CSMD1: variants seen among roughly 807,000 people sequenced by gnomAD.
CSMD1 encodes the protein CUB and Sushi multiple domains 1.
A neutral mutation model predicts 417.5 loss-of-function variants in CSMD1; 213 were observed. The ratio of observed to expected loss-of-function variants is 0.51; its 90% CI spans 0.46 to 0.57. The LOEUF is 0.57. Ranked by LOEUF, CSMD1 falls within the 20% of genes least tolerant of loss-of-function variation. The probability of loss-of-function intolerance (pLI) is 0.00; values close to 1 mark genes in which losing one functional copy is unlikely to be tolerated. For synonymous variants in CSMD1, 2,862 were observed against 1,736.8 expected (o/e 1.65, Z -16.11); for missense variants, 6,923 against 4,529.7 (o/e 1.53, Z -15.17).
At chr8:3,353,042 C>A (rs962503846) in intron 21 of CSMD1, among the ~76,000 whole-genome samples, 4 of 152,072 alleles carry the variant, frequency 2.6e-5, no homozygotes, top group African/African-American at 9.7e-5. Context: ...GATTTGAACC[C>A]CAGGCAATCT....
chr8:4,091,227 T>C (rs1428559832), intron 3 of CSMD1, among the ~76,000 whole-genome samples: 1 of 151,930 alleles, frequency 6.6e-6, no homozygotes, highest in African/African-American at 2.4e-5. Flanking sequence ...CCAAAAGCAG[T>C]CTTAAAGGTG....
intron 2 of CSMD1, among the ~76,000 whole-genome samples, chr8:4,538,815 C>T (rs1419769070): frequency 1.3e-5 from 2 of 152,150 alleles, no homozygotes; most frequent in Non-Finnish European, 2.9e-5. Context: ...AAAGAAGTAA[C>T]TTGTTTTGGG....
chr8:4,428,955 C>T (rs1236389983), intron 2 of CSMD1, among the ~76,000 whole-genome samples: 2 of 152,030 alleles, frequency 1.3e-5, no homozygotes, highest in African/African-American at 4.8e-5. Flanking sequence ...TTGAAGTGAT[C>T]CACCTGCCTC....
At chr8:4,307,375 G>A (rs1011596662) in intron 3 of CSMD1, among the ~76,000 whole-genome samples, 7 of 152,128 alleles carry the variant, frequency 4.6e-5, no homozygotes, top group African/African-American at 1.7e-4. Flanking sequence ...GTGGAGCACA[G>A]CTTGGCCTCC....
intron 3 of CSMD1, among the ~76,000 whole-genome samples, chr8:4,038,814 G>C (rs4524815): frequency 2.6e-4 from 40 of 152,068 alleles, no homozygotes; most frequent in African/African-American, 9.2e-4. Flanking sequence ...CTCATGGCAG[G>C]TTTCCACTGG....
intron 51 of CSMD1, among the ~76,000 whole-genome samples, chr8:3,023,222 G>A (rs879640149): frequency 6.6e-5 from 10 of 152,222 alleles, no homozygotes; most frequent in South Asian, 2.1e-4. Flanking sequence ...AGACCAGCCC[G>A]GACACAGACA....
chr8:4,292,760 G>C (rs903227718), intron 3 of CSMD1, among the ~76,000 whole-genome samples: 1 of 151,990 alleles, frequency 6.6e-6, no homozygotes, highest in Non-Finnish European at 1.5e-5. Flanking sequence ...TGTTCAAACT[G>C]AATATTAAAC....
At chr8:3,852,444 G>A (rs890403827) in intron 5 of CSMD1, among the ~76,000 whole-genome samples, 1 of 152,180 alleles carries the variant, frequency 6.6e-6, no homozygotes, top group South Asian at 2.1e-4. Flanking sequence ...ACGTCGGGAA[G>A]AGGGTAGGGC....
In CSMD1 at chr8:3,824,647, T is replaced by G. The variant is rs1241398810; in HGVS notation, c.819-70605A>C. ...TTTTTCTACTGATTACATGCTGAAA[T>G]AGCATTTGTTATATATTGAGTTAAT... On this transcript the variant is annotated intron_variant, in intron 5 of 69. Coordinates refer to ENST00000635120, the MANE Select transcript of CSMD1 (RefSeq NM_033225.6). 3.3e-5 allele frequency among the ~76,000 whole-genome samples: 5 copies of G among 152,184 alleles called. No homozygotes were observed. The East Asian group carries it at 7.7e-4, about 23-fold the overall frequency.
intron 2 of CSMD1, among the ~76,000 whole-genome samples, chr8:4,475,263 C>A (rs1171001547): frequency 6.6e-6 from 1 of 152,176 alleles, no homozygotes. Context: ...CTCTCTCACT[C>A]CATTTCTATA....
chr8:4,714,113 C>A, intron 1 of CSMD1, among the ~76,000 whole-genome samples: 1 of 152,026 alleles, frequency 6.6e-6, no homozygotes, highest in Non-Finnish European at 1.5e-5. Flanking sequence ...CCATTGCACT[C>A]CAGTCTGGGT....
chr8:3,173,708 C>T (rs1417220800), intron 37 of CSMD1, among the ~76,000 whole-genome samples: 1 of 152,158 alleles, frequency 6.6e-6, no homozygotes, highest in East Asian at 1.9e-4. Flanking sequence ...TAAACACACT[C>T]GCTATATTGG....
chr8:3,901,090 G>A (rs1312341047), intron 5 of CSMD1, among the ~76,000 whole-genome samples: 1 of 152,156 alleles, frequency 6.6e-6, no homozygotes, highest in Admixed American at 6.5e-5. Flanking sequence ...ATAACCTGGA[G>A]TCCAAGGTTA....
chr8:3,100,486 G>A (rs780817755), intron 46 of CSMD1, among the ~76,000 whole-genome samples: 15 of 152,194 alleles, frequency 9.9e-5, no homozygotes, highest in South Asian at 2.1e-4. Context: ...ACCGCAGTGC[G>A]GTCCTATAGC....
At chr8:4,310,830 C>A (rs1190262945) in intron 3 of CSMD1, among the ~76,000 whole-genome samples, 2 of 152,102 alleles carry the variant, frequency 1.3e-5, no homozygotes, top group African/African-American at 4.8e-5. Flanking sequence ...ATTTCAGCAG[C>A]AAGACTATCT....
intron 1 of CSMD1, among the ~76,000 whole-genome samples, chr8:4,724,471 C>G (rs1457197): frequency 3.3e-5 from 5 of 151,028 alleles, no homozygotes; most frequent in Non-Finnish European, 7.4e-5. Context: ...TTATAAGTAG[C>G]TGGGAGTTCA....
At chr8:4,080,911 C>T (rs947340104) in intron 3 of CSMD1, among the ~76,000 whole-genome samples, 1 of 152,148 alleles carries the variant, frequency 6.6e-6, no homozygotes, top group East Asian at 1.9e-4. Context: ...TATTAAGAGG[C>T]AGGGCCTTTG....
chr8:4,683,239 C>G (rs1806157960), intron 1 of CSMD1, among the ~76,000 whole-genome samples: 1 of 151,890 alleles, frequency 6.6e-6, no homozygotes, highest in Non-Finnish European at 1.5e-5. Context: ...CTAATGATCT[C>G]AATTTCCTTT....
At chr8:3,630,826 C>T (rs1009539081) in intron 7 of CSMD1, among the ~76,000 whole-genome samples, 1 of 152,192 alleles carries the variant, frequency 6.6e-6, no homozygotes, top group Admixed American at 6.5e-5. Context: ...AGTTCCATTG[C>T]TGATCTCAGA....
Sources: gnomAD v4.1 joint callset for allele counts (sites outside exome capture counted in the v4.1 genomes callset) on GRCh38, gnomAD v4.1.1 for gene constraint, MANE v1.5 for transcripts, NCBI Gene and HGNC (gene_info 2026-07-23, HGNC 2026-07-21) for gene names.